PBX2: variants seen among roughly 807,000 people sequenced by gnomAD.
PBX2 encodes pre-B-cell leukemia transcription factor 2.
Under a neutral mutation model 46.5 loss-of-function variants are expected in PBX2, and 10 were observed. That is an observed-to-expected ratio of 0.21 (90% confidence interval 0.13 to 0.36). The LOEUF (loss-of-function observed/expected upper bound fraction) is 0.36. PBX2 is among the 10% of genes least tolerant of loss of function. PBX2 has a pLI of 1.00. For missense variants in PBX2, 392 were observed against 580.5 expected (o/e 0.68, Z 3.34); for synonymous variants, 160 against 222.5 (o/e 0.72, Z 2.50).
rs1236656384 is a variant in PBX2 at position 32,186,948 on chromosome 6, G to C, written c.1025-47C>G. ...GAGTGTAATAGAGCCCGTGATGGTAGAGGATGAACCACAACTCTCAACTCT... is the reference window on the plus strand; with the variant it reads ...GAGTGTAATAGAGCCCGTGATGGTACAGGATGAACCACAACTCTCAACTCT... On this transcript the variant is annotated intron_variant, in intron 6 of 8. Coordinates refer to ENST00000375050, the MANE Select transcript of PBX2 (RefSeq NM_002586.5). The surrounding 1 kb of genome is among the most constrained non-coding windows in gnomAD (Gnocchi z 4.2). 2 of 1,512,326 alleles carry C rather than the reference G, an allele frequency of 1.3e-6. No homozygotes were observed. The highest frequency in any genetic ancestry group is 2.3e-5 in the South Asian group (2 of 88,766). 93.7% of individuals were successfully genotyped at this position (1,512,326 alleles called of 1,614,324 possible). A position where few individuals can be genotyped will look rare whatever the true frequency, so the allele number is the denominator to read the frequency against.
chr6:32,187,928 C>T lies in PBX2; in HGVS notation c.734+38G>A. On this transcript the variant is annotated intron_variant, in intron 4 of 8. Coordinates refer to ENST00000375050, the MANE Select transcript of PBX2 (RefSeq NM_002586.5). The surrounding 1 kb of genome is among the most constrained non-coding windows in gnomAD (Gnocchi z 7.7). Reference sequence around the variant, plus strand: ...GGTCTTGGAGAGGAATGGGAAGGAGCCCAGTGCTGGGGGCCAGCCTGGGGT... The same window carrying T: ...GGTCTTGGAGAGGAATGGGAAGGAGTCCAGTGCTGGGGGCCAGCCTGGGGT... 1 of 1,520,800 alleles carries T rather than the reference C, an allele frequency of 6.6e-7. No individual in the cohort carries two copies. Among genetic ancestry groups the T allele is most frequent in the Middle Eastern group, 1.7e-4 (1 of 5,736 alleles). 94.2% of individuals were successfully genotyped at this position (1,520,800 alleles called of 1,614,324 possible).
Position 32,189,927 on chromosome 6 carries a change from G to A in PBX2, c.-12C>T, listed in dbSNP as rs1213033230. 9 of 1,170,604 alleles carry A rather than the reference G, an allele frequency of 7.7e-6. No homozygotes were observed. The South Asian group carries it at 1.2e-4, about 16-fold the overall frequency. 72.5% of individuals were successfully genotyped at this position (1,170,604 alleles called of 1,614,324 possible). A position where few individuals can be genotyped will look rare whatever the true frequency, so the allele number is the denominator to read the frequency against. On this transcript the variant is annotated 5_prime_UTR_variant, in exon 1 of 9. Coordinates refer to ENST00000375050, the MANE Select transcript of PBX2 (RefSeq NM_002586.5). This position sits in a 1 kb window ranked among gnomAD's most constrained non-coding sequence, Gnocchi z 4.7. ...AGCCGTTCGTCCATAGCTGGGGGGG[G>A]GCCCTGAGGCCCCCTCCCTGCTCCG...
Position 32,189,808 on chromosome 6 carries a change from G to C in PBX2, c.108C>G (p.Asp36Glu). Reference protein sequence around the residue: ...GGPGEPPGGGDPGGGSGGVPG... With the variant: ...GGPGEPPGGGEPGGGSGGVPG... ...GGACCCCCCCGCTACCCCCACCGGG[G>C]TCTCCGCCACCGGGAGGCTCGCCAG... The change falls in exon 1 of 9, where the codon GAC (aspartate) becomes GAG (glutamate). Residue 36 changes from aspartate to glutamate, a missense_variant. Asp to Glu is a conservative substitution (Grantham distance 45). Transcript: ENST00000375050. This position sits in a 1 kb window ranked among gnomAD's most constrained non-coding sequence, Gnocchi z 4.7. 1 of 1,594,866 alleles carries C rather than the reference G, an allele frequency of 6.3e-7. No homozygotes were observed. Among genetic ancestry groups the C allele is most frequent in the Non-Finnish European group, 8.5e-7 (1 of 1,170,598 alleles).
In PBX2 at chr6:32,187,259, G is replaced by A; in HGVS notation, c.1007C>T (p.Thr336Ile). 2 of 1,612,990 alleles carry A rather than the reference G, an allele frequency of 1.2e-6. No individual in the cohort carries two copies. Among genetic ancestry groups the A allele is most frequent in the Non-Finnish European group, 1.7e-6 (2 of 1,180,042 alleles). The change falls in exon 6 of 9, where the codon ACA (threonine) becomes ATA (isoleucine). Residue 336 changes from threonine (T) to isoleucine (I), a missense_variant. Coordinates refer to ENST00000375050, the MANE Select transcript of PBX2 (RefSeq NM_002586.5). The surrounding 1 kb of genome is among the most constrained non-coding windows in gnomAD (Gnocchi z 7.7). ...QGGHSRTSSP[T>I]PPSSAGSGGS... The stretch of plus-strand genomic sequence containing the variant: ...GGATCCACCTGCAGAGGAAGGGGGT[G>A]TCGGGGAGCTGGTGCGGCTGTGGCC...
Position 32,187,841 on chromosome 6 carries a change from A to G in PBX2, c.735-59T>C. On this transcript the variant is annotated intron_variant, in intron 4 of 8. Transcript: ENST00000375050. The surrounding 1 kb of genome is among the most constrained non-coding windows in gnomAD (Gnocchi z 7.7). ...GTTGATGTCCTGGCAGGGCTGTCACATGGCATGACCCCAGAGTCACCATTG... is the reference window on the plus strand; with the variant it reads ...GTTGATGTCCTGGCAGGGCTGTCACGTGGCATGACCCCAGAGTCACCATTG... 3.8e-6 allele frequency: 6 copies of G among 1,595,696 alleles called. No homozygotes were observed. Among genetic ancestry groups the G allele is most frequent in the Non-Finnish European group, 1.7e-6 (2 of 1,170,398 alleles).
rs1212045864 is a variant in PBX2, at chr6:32,189,211, G to A, written c.222-415C>T. 1 of 307,724 alleles carries A rather than the reference G, an allele frequency of 3.2e-6. No individual in the cohort carries two copies. Among genetic ancestry groups the A allele is most frequent in the Non-Finnish European group, 6.2e-6 (1 of 162,332 alleles). 19.1% of individuals were successfully genotyped at this position (307,724 alleles called of 1,614,324 possible). ...GAGCTAACTGGGGAGATCAGTGTAG[G>A]GTGTGTGAAGGGGTCCTGGGGCTGA... is the stretch of plus-strand genomic sequence containing the variant. On this transcript the variant is annotated intron_variant, in intron 1 of 8. Coordinates refer to ENST00000375050, the MANE Select transcript of PBX2 (RefSeq NM_002586.5). The surrounding 1 kb of genome is among the most constrained non-coding windows in gnomAD (Gnocchi z 4.7).
rs765558924 is a variant in PBX2, at chr6:32,188,373, C to T, written c.427G>A (p.Ala143Thr). 3 of 1,614,004 alleles carry T rather than the reference C, an allele frequency of 1.9e-6. No individual in the cohort carries two copies. The highest frequency in any genetic ancestry group is 1.7e-5 in the Admixed American group (1 of 60,024). ...GGGSAAAAAAAAASGGGVSPD... is the reference protein window; with the variant it reads ...GGGSAAAAAATAASGGGVSPD... ...GACACACCACCACCAGAGGCTGCAGCGGCTGCAGCTGCTGCTGCTGAGCCG... is the reference window on the plus strand; with the variant it reads ...GACACACCACCACCAGAGGCTGCAGTGGCTGCAGCTGCTGCTGCTGAGCCG... The change falls in exon 3 of 9, where the codon GCT (alanine) becomes ACT (threonine). Residue 143 changes from alanine (A) to threonine (T), a missense_variant. Coordinates refer to ENST00000375050, the MANE Select transcript of PBX2 (RefSeq NM_002586.5). This position sits in a 1 kb window ranked among gnomAD's most constrained non-coding sequence, Gnocchi z 6.5.
Position 32,187,335 on chromosome 6 carries a change from C to T in PBX2, c.931G>A (p.Glu311Lys). Residue 311 changes from glutamate (E) to lysine (K), a missense_variant, in exon 6 of 9, where the codon GAG (glutamate) becomes AAG (lysine). Around this residue, in one of 3 missense-constraint regions of PBX2, gnomAD observed 116 missense variants for 157.9 expected, o/e 0.73. Transcript: ENST00000375050. This position sits in a 1 kb window ranked among gnomAD's most constrained non-coding sequence, Gnocchi z 7.7. ...TTGACAGCATAGATGTTTGCCTCCT[C>T]TTGGAACTTTCCGATGTTTTTCTTA... ...RYKKNIGKFQEEANIYAVKTA... is the reference protein window; with the variant it reads ...RYKKNIGKFQKEANIYAVKTA... 6.2e-7 allele frequency: 1 copy of T among 1,613,100 alleles called. No individual in the cohort carries two copies. The highest frequency in any genetic ancestry group is 8.5e-7 in the Non-Finnish European group (1 of 1,180,030).
In PBX2 at chr6:32,184,815, A is replaced by G. The variant is rs937303453; in HGVS notation, c.*1567T>C. 5.4e-4 allele frequency: 82 copies of G among 152,248 alleles called. No individual in the cohort carries two copies. Among genetic ancestry groups the G allele is most frequent in the African/African-American group, 1.9e-3 (79 of 41,450 alleles). The allele number at this position is 152,248 out of a possible 1,614,324, so 9.4% of individuals were successfully genotyped here. A position where few individuals can be genotyped will look rare whatever the true frequency, so the allele number is the denominator to read the frequency against. On this transcript the variant is annotated 3_prime_UTR_variant, in exon 9 of 9. Coordinates refer to ENST00000375050, the MANE Select transcript of PBX2 (RefSeq NM_002586.5). ...ACTACACAAGTTTACAAGTGAGGAG[A>G]GAACTGCCCCCGGCCCATGCCTCCC...
rs1317327079 is a variant in PBX2 at position 32,188,263 on chromosome 6, A to G, written c.537T>C (p.Tyr179=). The G allele has an allele frequency of 1.9e-6, 3 of 1,613,658 alleles. No individual in the cohort carries two copies. Among genetic ancestry groups the G allele is most frequent in the Non-Finnish European group, 2.5e-6 (3 of 1,179,996 alleles). ...RHIYHSELEK[Y]EQACNEFTTH... is the part of the protein sequence containing the mutation. ...CCAAGCCTCCTCTCCTTACCTGCTCATACTTCTCCAGCTCCGAGTGGTATA... is the reference window on the plus strand; with the variant it reads ...CCAAGCCTCCTCTCCTTACCTGCTCGTACTTCTCCAGCTCCGAGTGGTATA... Residue 179 remains tyrosine (Y), a synonymous_variant, in exon 3 of 9, where the codon TAT becomes TAC. Coordinates refer to ENST00000375050, the MANE Select transcript of PBX2 (RefSeq NM_002586.5). This position sits in a 1 kb window ranked among gnomAD's most constrained non-coding sequence, Gnocchi z 6.5.
chr6:32,188,714 C>G lies in PBX2; in HGVS notation c.295+9G>C, dbSNP rs772531626. The stretch of plus-strand genomic sequence containing the variant: ...CCAGAGTTGAGCAATCCGGGGGGGG[C>G]CCACATACCAGTTTTCTCCTTGATT... On this transcript the variant is annotated intron_variant, in intron 2 of 8. Coordinates refer to ENST00000375050, the MANE Select transcript of PBX2 (RefSeq NM_002586.5). The surrounding 1 kb of genome is among the most constrained non-coding windows in gnomAD (Gnocchi z 6.5). The G allele has an allele frequency of 1.0e-4, 168 of 1,611,550 alleles. No homozygotes were observed. Among genetic ancestry groups the G allele is most frequent in the Non-Finnish European group, 1.4e-4 (162 of 1,178,972 alleles).
In PBX2 at chr6:32,187,315, A is replaced by G; in HGVS notation, c.951T>C (p.Ala317=). 1 of 1,613,046 alleles carries G rather than the reference A, an allele frequency of 6.2e-7. No homozygotes were observed. Among genetic ancestry groups the G allele is most frequent in the South Asian group, 1.1e-5 (1 of 91,088 alleles). ...GGGTGACTGACACGGCGGTCTTGAC[A>G]GCATAGATGTTTGCCTCCTCTTGGA... ...GKFQEEANIY[A]VKTAVSVTQG... Residue 317 remains alanine (A), a synonymous_variant, in exon 6 of 9, where the codon GCT becomes GCC. Transcript: ENST00000375050. This position sits in a 1 kb window ranked among gnomAD's most constrained non-coding sequence, Gnocchi z 7.7.
chr6:32,186,605 C>G lies in PBX2; in HGVS notation c.1199G>C (p.Arg400Thr), dbSNP rs952997958. Residue 400 changes from arginine (R) to threonine (T), a missense_variant and splice_region_variant, in exon 8 of 9, where the codon AGG becomes ACG. Arg to Thr is a moderately conservative substitution (Grantham distance 71). Around this residue, in one of 3 missense-constraint regions of PBX2, gnomAD observed 116 missense variants for 157.9 expected, o/e 0.73. Transcript: ENST00000375050. The surrounding 1 kb of genome is among the most constrained non-coding windows in gnomAD (Gnocchi z 4.2). ...AGAGGAGCTTCAGGATCCACTCACC[C>G]TCATTTCCCGTGGGCTGTACATCTG... ...GGQMYSPREMRANGSWQEAVT... is the reference protein window; with the variant it reads ...GGQMYSPREMTANGSWQEAVT... The G allele has an allele frequency of 6.2e-7, 1 of 1,608,484 alleles. No homozygotes were observed. The highest frequency in any genetic ancestry group is 1.7e-5 in the Admixed American group (1 of 60,002).
Position 32,186,438 on chromosome 6 carries a change from A to T in PBX2, c.1237T>A (p.Ser413Thr). ...GSWQEAVTPS[S>T]VTSPTEGPGS... Reference sequence around the variant, plus strand: ...GGTCCCTCCGTTGGGGATGTCACTGAAGAGGGGGTCACAGCCTCTTGCCAG... The same window carrying T: ...GGTCCCTCCGTTGGGGATGTCACTGTAGAGGGGGTCACAGCCTCTTGCCAG... Residue 413 changes from serine to threonine, a missense_variant, in exon 9 of 9, where the codon TCA becomes ACA. Ser to Thr is a moderately conservative substitution (Grantham distance 58). Around this residue, in one of 3 missense-constraint regions of PBX2, gnomAD observed 116 missense variants for 157.9 expected, o/e 0.73. Coordinates refer to ENST00000375050, the MANE Select transcript of PBX2 (RefSeq NM_002586.5). This position sits in a 1 kb window ranked among gnomAD's most constrained non-coding sequence, Gnocchi z 4.2. The T allele has an allele frequency of 6.2e-7, 1 of 1,613,324 alleles. No homozygotes were observed. Among genetic ancestry groups the T allele is most frequent in the Non-Finnish European group, 8.5e-7 (1 of 1,179,842 alleles).
Position 32,188,286 on chromosome 6 carries a change from A to G in PBX2, c.514T>C (p.Tyr172His). ...TCATACTTCTCCAGCTCCGAGTGGT[A>G]TATGTGACGGATCTGGGCAAGTTTG... ...RSKLAQIRHI[Y>H]HSELEKYEQA... Residue 172 changes from tyrosine (Y) to histidine (H), a missense_variant, in exon 3 of 9, where the codon TAC becomes CAC. Tyr to His is a moderately conservative substitution (Grantham distance 83). Around this residue, in one of 3 missense-constraint regions of PBX2, gnomAD observed 196 missense variants for 246.9 expected, o/e 0.79. Coordinates refer to ENST00000375050, the MANE Select transcript of PBX2 (RefSeq NM_002586.5). This position sits in a 1 kb window ranked among gnomAD's most constrained non-coding sequence, Gnocchi z 6.5. 2 of 1,613,860 alleles carry G rather than the reference A, an allele frequency of 1.2e-6. No individual in the cohort carries two copies. Among genetic ancestry groups the G allele is most frequent in the South Asian group, 1.1e-5 (1 of 91,068 alleles).
rs1787275452 is a variant in PBX2 at position 32,188,995 on chromosome 6, G to C, written c.222-199C>G. On this transcript the variant is annotated intron_variant, in intron 1 of 8. Coordinates refer to ENST00000375050, the MANE Select transcript of PBX2 (RefSeq NM_002586.5). The surrounding 1 kb of genome is among the most constrained non-coding windows in gnomAD (Gnocchi z 6.5). Reference sequence around the variant, plus strand: ...CATGGGGAAGCTCCTCAGCTTCAGGGAGACACAGGGAAGATGCAGGCAGCA... The same window carrying C: ...CATGGGGAAGCTCCTCAGCTTCAGGCAGACACAGGGAAGATGCAGGCAGCA... 1 of 586,960 alleles carries C rather than the reference G, an allele frequency of 1.7e-6. No individual in the cohort carries two copies. The allele number at this position is 586,960 out of a possible 1,614,324, so 36.4% of individuals were successfully genotyped here.
Position 32,186,499 on chromosome 6 carries a change from AAAC to A in PBX2, c.1201-28_1201-26del, listed in dbSNP as rs1787147927. ...CCTGAAAGGAGAGACAGAGTACAGA[AAAC>A]AGAGAAAGCCCTGGGAACCCTGTGT... On this transcript the variant is annotated intron_variant, in intron 8 of 8. Coordinates refer to ENST00000375050, the MANE Select transcript of PBX2 (RefSeq NM_002586.5). This position sits in a 1 kb window ranked among gnomAD's most constrained non-coding sequence, Gnocchi z 4.2. The A allele has an allele frequency of 1.2e-6, 2 of 1,607,558 alleles. No homozygotes were observed. Among genetic ancestry groups the A allele is most frequent in the Non-Finnish European group, 1.7e-6 (2 of 1,174,392 alleles).
rs1389077361 is a variant in PBX2 at position 32,186,509 on chromosome 6, A to C, written c.1201-35T>G. ...GAGACAGAGTACAGAAAACAGAGAA[A>C]GCCCTGGGAACCCTGTGTGGGCACA... On this transcript the variant is annotated intron_variant, in intron 8 of 8. Transcript: ENST00000375050. The surrounding 1 kb of genome is among the most constrained non-coding windows in gnomAD (Gnocchi z 4.2). 5.6e-6 allele frequency: 9 copies of C among 1,597,302 alleles called. No individual in the cohort carries two copies. The highest frequency in any genetic ancestry group is 1.3e-5 in the African/African-American group (1 of 74,568).
In PBX2 at chr6:32,187,414, G is replaced by A. The variant is rs1334463547; in HGVS notation, c.871-19C>T. ...TGGAGACCTGTGGGGCAGAAAGGAG[G>A]GTCAGGTAGAAACATTTGCCTCTGA... On this transcript the variant is annotated intron_variant, in intron 5 of 8. Transcript: ENST00000375050. This position sits in a 1 kb window ranked among gnomAD's most constrained non-coding sequence, Gnocchi z 7.7. The A allele has an allele frequency of 1.9e-6, 3 of 1,611,562 alleles. No homozygotes were observed. The highest frequency in any genetic ancestry group is 2.5e-6 in the Non-Finnish European group (3 of 1,178,806).
Sources: allele counts gnomAD v4.1 joint callset, GRCh38; gene constraint gnomAD v4.1.1; regional missense constraint gnomAD v4.1.1; non-coding constraint Gnocchi (gnomAD v3.1); transcripts MANE v1.5; gene names NCBI Gene and HGNC (gene_info 2026-07-23, HGNC 2026-07-21).